Variants in DLGAP2 observed in about 807,000 individuals in gnomAD.
DLGAP2 encodes DLG associated protein 2, also known as disks large-associated protein 2.
Under a neutral mutation model 100.3 loss-of-function variants are expected in DLGAP2, and 26 were observed. The ratio of observed to expected loss-of-function variants is 0.26; its 90% CI spans 0.19 to 0.36. DLGAP2 has a LOEUF of 0.36. Ranked by LOEUF, DLGAP2 falls within the 10% of genes least tolerant of loss-of-function variation. The pLI is 1.00. For synonymous variants in DLGAP2, 886 were observed against 630.1 expected, an observed-to-expected ratio of 1.41 and a Z score of -6.08; for missense variants, 1,858 against 1,453.2, an observed-to-expected ratio of 1.28 and a Z score of -4.53.
chr8:1,577,173 C>G (rs1803013022), intron 6 of DLGAP2, among the ~76,000 whole-genome samples: 1 of 152,154 alleles, frequency 6.6e-6, no homozygotes, highest in Non-Finnish European at 1.5e-5. Flanking sequence ...AATATTTCAG[C>G]TGATAGCTGT....
intron 2 of DLGAP2, among the ~76,000 whole-genome samples, chr8:1,188,834 A>T (rs1277711116): frequency 6.6e-6 from 1 of 151,840 alleles, no homozygotes; most frequent in Non-Finnish European, 1.5e-5. Context: ...GCCTTTTTTT[A>T]GGAAACAATG....
Position 1,205,348 on chromosome 8 carries a change from T to C in DLGAP2, c.74-53503T>C, listed in dbSNP as rs368026792. Among the ~76,000 whole-genome samples, 6 of 152,048 alleles carry C rather than the reference T, an allele frequency of 3.9e-5. No individual in the cohort carries two copies. The East Asian group carries it at 7.7e-4, about 20-fold the overall frequency. ...GCCTGTTCCTCAGGGTCTTGGCTAT[T>C]TGAGAAAAGGAAGGGTCCAGAAGTG... On this transcript the variant is annotated intron_variant, in intron 2 of 14. Coordinates refer to ENST00000637795, the MANE Select transcript of DLGAP2 (RefSeq NM_001346810.2).
At chr8:1,615,632 A>C (rs1407408333) in intron 6 of DLGAP2, among the ~76,000 whole-genome samples, 7 of 151,766 alleles carry the variant, frequency 4.6e-5, no homozygotes. Flanking sequence ...AAAGATCTTT[A>C]AACAGCCATT....
intron 2 of DLGAP2, among the ~76,000 whole-genome samples, chr8:1,241,339 G>GTCCCACATGGCGCCGTGTCTAGTTC (rs1563274642): frequency 1.1e-5 from 1 of 88,386 alleles, no homozygotes; most frequent in Non-Finnish European, 2.5e-5. Context: ...GTGTCTAGTT[G>GTCCCACATGGCGCCGTGTCTAGTTC]TCTCACATGG....
At chr8:1,063,954 G>A (rs1014574826) in intron 2 of DLGAP2, among the ~76,000 whole-genome samples, 4 of 152,128 alleles carry the variant, frequency 2.6e-5, no homozygotes, top group Admixed American at 6.5e-5. Context: ...GCTGGCCTCC[G>A]CAGCCAGGGT....
chr8:1,498,794 G>T (rs145328546), intron 3 of DLGAP2, among the ~76,000 whole-genome samples: 4 of 152,170 alleles, frequency 2.6e-5, no homozygotes, highest in African/African-American at 4.8e-5. Context: ...CTCCAAGAAG[G>T]GGGTGCTGCC....
At chr8:1,245,788 A>T (rs1289536292) in intron 2 of DLGAP2, among the ~76,000 whole-genome samples, 1 of 152,156 alleles carries the variant, frequency 6.6e-6, no homozygotes, top group Non-Finnish European at 1.5e-5. Context: ...AATGAAGAAC[A>T]GTTTTCCAGG....
At chr8:1,373,103 C>T (rs1179500511) in intron 3 of DLGAP2, among the ~76,000 whole-genome samples, 1 of 152,234 alleles carries the variant, frequency 6.6e-6, no homozygotes, top group Non-Finnish European at 1.5e-5. Context: ...CCCGAGACCT[C>T]CGTGCCTGGG....
At chr8:756,481 T>C (rs1820924926) in intron 1 of DLGAP2, among the ~76,000 whole-genome samples, 1 of 152,218 alleles carries the variant, frequency 6.6e-6, no homozygotes, top group Admixed American at 6.5e-5. Flanking sequence ...AAAAAATGCA[T>C]GAACTTTGGT....
intron 4 of DLGAP2, among the ~76,000 whole-genome samples, chr8:1,518,912 G>A (rs529488598): frequency 6.6e-6 from 1 of 152,316 alleles, no homozygotes; most frequent in African/African-American, 2.4e-5. Flanking sequence ...GCCAGTGCCC[G>A]TGCTTCTCCC....
At chr8:1,282,170 G>T (rs1423972141) in intron 3 of DLGAP2, among the ~76,000 whole-genome samples, 1 of 144,926 alleles carries the variant, frequency 6.9e-6, no homozygotes, top group African/African-American at 2.6e-5. Flanking sequence ...GACGTGGTGT[G>T]ACCTGAACCC....
intron 2 of DLGAP2, among the ~76,000 whole-genome samples, chr8:1,043,178 TGGGTGGTGGGTGTTGG>T (rs1563161384): frequency 1.8e-5 from 2 of 113,724 alleles, no homozygotes; most frequent in African/African-American, 3.4e-5. Flanking sequence ...GTGGTGGGTG[TGGGTGGTGGGTGTTGG>T]TGGTGGATGC....
At chr8:1,296,617 A>G (rs1585232429) in intron 3 of DLGAP2, among the ~76,000 whole-genome samples, 1 of 152,208 alleles carries the variant, frequency 6.6e-6, no homozygotes, top group South Asian at 2.1e-4. Context: ...AGCTGTTTTC[A>G]TGATCTGTGC....
chr8:1,227,167 TATATATAGTATAG>T (rs1424548520), intron 2 of DLGAP2, among the ~76,000 whole-genome samples: 2 of 138,236 alleles, frequency 1.4e-5, no homozygotes, highest in Non-Finnish European at 3.1e-5. Flanking sequence ...TATATATATA[TATATATAGTATAG>T]ATATATATTA....
At chr8:809,909 G>T (rs1051795636) in intron 1 of DLGAP2, among the ~76,000 whole-genome samples, 1 of 152,206 alleles carries the variant, frequency 6.6e-6, no homozygotes, top group African/African-American at 2.4e-5. Flanking sequence ...CCAGAAGCAT[G>T]GTGTGCTCTG....
rs544215977 is a variant in DLGAP2, at chr8:1,514,593, C to T, written c.172+13162C>T. Among the ~76,000 whole-genome samples, 3 of 152,310 alleles carry T rather than the reference C, an allele frequency of 2.0e-5. No individual in the cohort carries two copies. In the South Asian group the frequency reaches 6.2e-4, roughly 32 times the overall value. ...AGCCATTTATGGGTGTTTCTCACCTCCAGGCGCCGCTAGAGAACTTTGCTT... is the reference window on the plus strand; with the variant it reads ...AGCCATTTATGGGTGTTTCTCACCTTCAGGCGCCGCTAGAGAACTTTGCTT... On this transcript the variant is annotated intron_variant, in intron 4 of 14. Coordinates refer to ENST00000637795, the MANE Select transcript of DLGAP2 (RefSeq NM_001346810.2).
At chr8:852,045 A>G (rs943413600) in intron 1 of DLGAP2, among the ~76,000 whole-genome samples, 1 of 152,230 alleles carries the variant, frequency 6.6e-6, no homozygotes, top group Admixed American at 6.5e-5. Flanking sequence ...CCTGTGGACA[A>G]CAAAGGCATG....
At chr8:1,280,521 A>T (rs964722073) in intron 3 of DLGAP2, among the ~76,000 whole-genome samples, 1 of 152,222 alleles carries the variant, frequency 6.6e-6, no homozygotes, top group Non-Finnish European at 1.5e-5. Flanking sequence ...TTGGGGGTCT[A>T]TAAAGGAGGA....
intron 2 of DLGAP2, among the ~76,000 whole-genome samples, chr8:1,043,281 G>A (rs548587651): frequency 2.3e-5 from 3 of 130,156 alleles, no homozygotes; most frequent in African/African-American, 8.5e-5. Flanking sequence ...GGTGGTGGAC[G>A]TGGGTGGTGG....
Sources: allele counts gnomAD v4.1 joint callset (sites outside exome capture counted in the v4.1 genomes callset), GRCh38; gene constraint gnomAD v4.1.1; transcripts MANE v1.5; gene names NCBI Gene and HGNC (gene_info 2026-07-23, HGNC 2026-07-21).